The following SLC45A4 variants were observed in gnomAD, a reference collection of about 807,000 sequenced individuals.
SLC45A4 encodes the protein polyamine-transporter SLC45A4.
Under a neutral mutation model 63.7 loss-of-function variants are expected in SLC45A4, and 32 were observed. The observed-to-expected ratio is 0.50, with a 90% CI of 0.38 to 0.67. The LOEUF (loss-of-function observed/expected upper bound fraction) is 0.67. Ranked by LOEUF, SLC45A4 falls within the 30% of genes least tolerant of loss-of-function variation. The pLI is 0.00. For missense variants in SLC45A4, 1,027 were observed against 1,157.7 expected, an observed-to-expected ratio of 0.89 and a Z score of 1.64; for synonymous variants, 535 against 510.0, an observed-to-expected ratio of 1.05 and a Z score of -0.66.
chr8:141,254,751 G>T lies in SLC45A4; in HGVS notation c.-400-122C>A. 1 of 679,114 alleles carries T rather than the reference G, an allele frequency of 1.5e-6. No individual in the cohort carries two copies. Among genetic ancestry groups the T allele is most frequent in the Non-Finnish European group, 2.7e-6 (1 of 370,310 alleles). The allele number at this position is 679,114 out of a possible 1,614,324, so 42.1% of individuals were successfully genotyped here. A position where few individuals can be genotyped will look rare whatever the true frequency, so the allele number is the denominator to read the frequency against. ...CGAGGGCCCGACCCAAGATCACACA[G>T]CTCTCTGCCACTCACTCTGGGTACG... On this transcript the variant is annotated intron_variant, in intron 1 of 8. Coordinates refer to ENST00000517878, the MANE Select transcript of SLC45A4 (RefSeq NM_001286646.2). This position sits in a 1 kb window ranked among gnomAD's most constrained non-coding sequence, Gnocchi z 4.5.
Position 141,288,976 on chromosome 8 carries a change from C to A in SLC45A4, c.-401+19120G>T, listed in dbSNP as rs758573959. On this transcript the variant is annotated intron_variant, in intron 1 of 8. Transcript: ENST00000517878. Reference sequence around the variant, plus strand: ...CAGTACCATCGAGGCGCTAATCCTTCGGCGTGGGTGGGAAAAGAGGTCCAG... The same window carrying A: ...CAGTACCATCGAGGCGCTAATCCTTAGGCGTGGGTGGGAAAAGAGGTCCAG... Among the ~76,000 whole-genome samples the A allele has an allele frequency of 4.1e-5, 6 of 146,072 alleles. No homozygotes were observed. In the East Asian group the frequency reaches 1.1e-3, roughly 27 times the overall value.
intron 3 of SLC45A4, among the ~76,000 whole-genome samples, chr8:141,220,355 GT>G (rs1256718028): frequency 6.6e-6 from 1 of 152,222 alleles, no homozygotes; most frequent in Non-Finnish European, 1.5e-5. Flanking sequence ...TTGCACACAA[GT>G]TCTCGGGGCA....
intron 2 of SLC45A4, among the ~76,000 whole-genome samples, chr8:141,235,355 G>T (rs1384750069): frequency 6.6e-6 from 1 of 152,158 alleles, no homozygotes; most frequent in Admixed American, 6.5e-5. Flanking sequence ...GGGCACAGCG[G>T]GTGTGTCTGT....
intron 1 of SLC45A4, among the ~76,000 whole-genome samples, chr8:141,280,844 A>G (rs1310653863): frequency 6.6e-6 from 1 of 152,238 alleles, no homozygotes; most frequent in African/African-American, 2.4e-5. Flanking sequence ...GCACCTCCCG[A>G]AGGACTGTCT....
intron 5 of SLC45A4, 82 bp downstream of exon 5, chr8:141,217,929 C>A (rs895359438): frequency 3.6e-5 from 52 of 1,453,398 alleles, no homozygotes; most frequent in Admixed American, 1.3e-4. Context: ...GAGGAAGAGG[C>A]CCCCCGGCCC....
intron 1 of SLC45A4, among the ~76,000 whole-genome samples, chr8:141,304,933 A>T (rs1830855624): frequency 6.6e-6 from 1 of 152,210 alleles, no homozygotes; most frequent in South Asian, 2.1e-4. Flanking sequence ...GCCACTTCGT[A>T]AACACTATGC....
chr8:141,277,090 G>A (rs1563667864), intron 1 of SLC45A4, among the ~76,000 whole-genome samples: 2 of 152,254 alleles, frequency 1.3e-5, no homozygotes, highest in Admixed American at 1.3e-4. Flanking sequence ...GCCCGGCACA[G>A]GGGTGAGGAG....
At chr8:141,228,228 T>C (rs148922974) in intron 2 of SLC45A4, 1 of 1,614,110 alleles carries the variant, frequency 6.2e-7, no homozygotes, top group Non-Finnish European at 8.5e-7. Flanking sequence ...CAAGGGTCTT[T>C]GGACGGGACA....
At chr8:141,258,352 C>T (rs185334846) in intron 1 of SLC45A4, among the ~76,000 whole-genome samples, 2 of 152,338 alleles carry the variant, frequency 1.3e-5, no homozygotes, top group East Asian at 1.9e-4. Context: ...TAGGTGGCAA[C>T]GCTACAGGCC....
chr8:141,224,776 T>C (rs1048480113), intron 2 of SLC45A4: 1 of 152,330 alleles, frequency 6.6e-6, no homozygotes, highest in Non-Finnish European at 1.5e-5. Flanking sequence ...CATCCCATTC[T>C]CTATTTCCTT....
At chr8:141,296,366 G>A (rs866506718) in intron 1 of SLC45A4, among the ~76,000 whole-genome samples, 1 of 152,048 alleles carries the variant, frequency 6.6e-6, no homozygotes, top group Admixed American at 6.6e-5. Context: ...CGGGCATGGT[G>A]GCACACGCCT....
At chr8:141,286,998 A>C (rs1439987258) in intron 1 of SLC45A4, among the ~76,000 whole-genome samples, 1 of 152,070 alleles carries the variant, frequency 6.6e-6, no homozygotes, top group East Asian at 1.9e-4. Flanking sequence ...CCAAATCCTA[A>C]GACTATCAGA....
chr8:141,287,869 G>A (rs1830208692), intron 1 of SLC45A4, among the ~76,000 whole-genome samples: 1 of 152,180 alleles, frequency 6.6e-6, no homozygotes, highest in South Asian at 2.1e-4. Flanking sequence ...GGAGGGCCCG[G>A]GCCAGGGGCA....
At chr8:141,302,807 C>A (rs998796132) in intron 1 of SLC45A4, among the ~76,000 whole-genome samples, 1 of 152,162 alleles carries the variant, frequency 6.6e-6, no homozygotes, top group Admixed American at 6.5e-5. Context: ...GCGATTTCAT[C>A]TCCAGCGTGG....
chr8:141,246,275 A>G (rs1201517904), intron 2 of SLC45A4, among the ~76,000 whole-genome samples: 1 of 152,140 alleles, frequency 6.6e-6, no homozygotes, highest in Non-Finnish European at 1.5e-5. Context: ...CTGCTGCGTA[A>G]CAAACTGCAC....
chr8:141,214,594 CATTT>C (rs1826025360), intron 7 of SLC45A4, among the ~76,000 whole-genome samples: 1 of 152,212 alleles, frequency 6.6e-6, no homozygotes, highest in Admixed American at 6.5e-5. Flanking sequence ...CTGAATCTAA[CATTT>C]AGATGACAAA....
At chr8:141,267,761 G>C (rs903883417) in intron 1 of SLC45A4, among the ~76,000 whole-genome samples, 1 of 152,224 alleles carries the variant, frequency 6.6e-6, no homozygotes, top group Non-Finnish European at 1.5e-5. Context: ...TGTAGCTGTG[G>C]TGCCACCACA....
At chr8:141,270,292 T>A (rs1247351315) in intron 1 of SLC45A4, among the ~76,000 whole-genome samples, 1 of 150,636 alleles carries the variant, frequency 6.6e-6, no homozygotes, top group Admixed American at 6.6e-5. Flanking sequence ...TTTGGGAGGC[T>A]GAGGAAGGAG....
In SLC45A4 at chr8:141,244,135, C is replaced by T. The variant is rs147871226; in HGVS notation, c.241+9854G>A. 2.5e-3 allele frequency among the ~76,000 whole-genome samples: 381 copies of T among 152,244 alleles called. 2 individuals carry two copies. The highest frequency in any genetic ancestry group is 8.7e-3 in the African/African-American group (362 of 41,526). On this transcript the variant is annotated intron_variant, in intron 2 of 8. Transcript: ENST00000517878. ...GACTGCGCCCCTATTCTTCATGGTG[C>T]GCTCCGCCTGTCCTGAGGTCACAGG...
Sources: gnomAD v4.1 joint callset for allele counts (sites outside exome capture counted in the v4.1 genomes callset) on GRCh38, gnomAD v4.1.1 for gene constraint, Gnocchi (gnomAD v3.1) non-coding constraint, MANE v1.5 for transcripts, NCBI Gene and HGNC (gene_info 2026-07-23, HGNC 2026-07-21) for gene names.